The following RAB20 variants were observed in gnomAD, a reference collection of about 807,000 sequenced individuals.
RAB20 encodes the protein RAB20, member RAS oncogene family.
RAB20 carries 2 observed loss-of-function variants against 3.7 expected under a neutral mutation model. That is an observed-to-expected ratio of 0.54 (90% CI 0.22 to 1.69). The LOEUF (loss-of-function observed/expected upper bound fraction) is 1.69, where lower values mean the gene tolerates loss of function less well. Among genes scored for constraint, RAB20 ranks in the 40% most tolerant of loss-of-function variants. The pLI is 0.19. For synonymous variants in RAB20, 126 were observed against 130.8 expected, an observed-to-expected ratio of 0.96 and a Z score of 0.25; for missense variants, 276 against 311.9, an observed-to-expected ratio of 0.88 and a Z score of 0.87.
intron 1 of RAB20, among the ~76,000 whole-genome samples, chr13:110,547,080 C>T (rs142877263): frequency 0.011 from 1,615 of 152,304 alleles, 14 homozygotes; most frequent in Admixed American, 0.028. Flanking sequence ...AAGTGTTCCT[C>T]CTTCTCAAGG....
At chr13:110,542,989 C>G (rs1471734115) in intron 1 of RAB20, among the ~76,000 whole-genome samples, 2 of 152,248 alleles carry the variant, frequency 1.3e-5, no homozygotes, top group Non-Finnish European at 2.9e-5. Context: ...GCCATTCTAA[C>G]AGGTGCGACC....
intron 1 of RAB20, among the ~76,000 whole-genome samples, chr13:110,542,522 C>A (rs1233516797): frequency 6.6e-6 from 1 of 152,192 alleles, no homozygotes; most frequent in Non-Finnish European, 1.5e-5. Context: ...AACCACCATT[C>A]CACTCTGCTT....
chr13:110,552,523 C>T (rs1335748947), intron 1 of RAB20, among the ~76,000 whole-genome samples: 1 of 151,684 alleles, frequency 6.6e-6, no homozygotes, highest in Non-Finnish European at 1.5e-5. Flanking sequence ...GAAACCCCGT[C>T]TCTACTAAAA....
At chr13:110,561,224 G>T in intron 1 of RAB20, 124 bp downstream of exon 1, 3 of 1,248,948 alleles carry the variant, frequency 2.4e-6, no homozygotes, top group Non-Finnish European at 3.2e-6. Context: ...GAAACCCCGA[G>T]AAGGAGGCAT....
intron 1 of RAB20, among the ~76,000 whole-genome samples, chr13:110,548,258 C>T (rs1209045642): frequency 6.6e-6 from 1 of 152,096 alleles, no homozygotes; most frequent in African/African-American, 2.4e-5. Context: ...CCCAGGTGGG[C>T]AGATCACTTG....
intron 1 of RAB20, among the ~76,000 whole-genome samples, chr13:110,539,722 G>A (rs1020842971): frequency 6.6e-6 from 1 of 151,970 alleles, no homozygotes; most frequent in Non-Finnish European, 1.5e-5. Context: ...ACCACGCCTG[G>A]CTAATTTTTG....
chr13:110,529,273 G>C (rs182270364), intron 1 of RAB20, among the ~76,000 whole-genome samples: 1 of 152,200 alleles, frequency 6.6e-6, no homozygotes, highest in Non-Finnish European at 1.5e-5. Context: ...GCTCTGAGCC[G>C]GGCCGTCAGC....
chr13:110,551,247 G>C (rs1387248588), intron 1 of RAB20, among the ~76,000 whole-genome samples: 1 of 152,182 alleles, frequency 6.6e-6, no homozygotes, highest in Admixed American at 6.5e-5. Flanking sequence ...TGGGGTGCAA[G>C]GTCACTTTGT....
chr13:110,531,752 T>C (rs550466759), intron 1 of RAB20, among the ~76,000 whole-genome samples: 4 of 152,292 alleles, frequency 2.6e-5, no homozygotes, highest in African/African-American at 7.2e-5. Context: ...CACCACCTCC[T>C]GGGGCCGACT....
rs909440413 is a variant in RAB20 at position 110,555,572 on chromosome 13, G to C, written c.172+5776C>G. Among the ~76,000 whole-genome samples, 7 of 152,226 alleles carry C rather than the reference G, an allele frequency of 4.6e-5. No homozygotes were observed. Among genetic ancestry groups the C allele is most frequent in the African/African-American group, 1.7e-4 (7 of 41,452 alleles). On this transcript the variant is annotated intron_variant, in intron 1 of 1. Coordinates refer to ENST00000267328, the MANE Select transcript of RAB20 (RefSeq NM_017817.3). The surrounding 1 kb of genome is among the most constrained non-coding windows in gnomAD (Gnocchi z 4.0). ...GAACATTGGGGTCTGCAAGGCTCAT[G>C]CCAAAGCTCAGACTTCTAGTTGAGA...
intron 1 of RAB20, 65 bp downstream of exon 1, chr13:110,561,283 A>C (rs1885124744): frequency 6.8e-7 from 1 of 1,469,586 alleles, no homozygotes. Context: ...CCCTGCTGGA[A>C]GCCCCGCGCC....
At chr13:110,536,990 T>A (rs1884657519) in intron 1 of RAB20, among the ~76,000 whole-genome samples, 1 of 137,528 alleles carries the variant, frequency 7.3e-6, no homozygotes, top group Non-Finnish European at 1.5e-5. Flanking sequence ...CCAAGTGTTT[T>A]TTTTTGTGTG....
chr13:110,555,750 T>C lies in RAB20; in HGVS notation c.172+5598A>G, dbSNP rs975757495. 1.3e-5 allele frequency among the ~76,000 whole-genome samples: 2 copies of C among 152,186 alleles called. No individual in the cohort carries two copies. Among genetic ancestry groups the C allele is most frequent in the African/African-American group, 2.4e-5 (1 of 41,456 alleles). ...AAGGAAGAAATTCAATATGGCCAGGTCTCCCAGGTTGCTGAGCCCTTGGGT... is the reference window on the plus strand; with the variant it reads ...AAGGAAGAAATTCAATATGGCCAGGCCTCCCAGGTTGCTGAGCCCTTGGGT... On this transcript the variant is annotated intron_variant, in intron 1 of 1. Coordinates refer to ENST00000267328, the MANE Select transcript of RAB20 (RefSeq NM_017817.3). The surrounding 1 kb of genome is among the most constrained non-coding windows in gnomAD (Gnocchi z 4.0).
chr13:110,551,717 A>C (rs1884954794), intron 1 of RAB20, among the ~76,000 whole-genome samples: 2 of 152,050 alleles, frequency 1.3e-5, no homozygotes, highest in African/African-American at 4.8e-5. Context: ...GTTTGTACAA[A>C]ATTTATTTTT....
chr13:110,561,642 C>CCGAG lies in RAB20; in HGVS notation c.-124_-123insCTCG. ...CGGGACCCGGATTCTCGTGAACGCTCCGGGACCTTCGCCTCCGGACGCCCG... is the reference window on the plus strand; with the variant it reads ...CGGGACCCGGATTCTCGTGAACGCTCCGAGCGGGACCTTCGCCTCCGGACGCCCG... On this transcript the variant is annotated 5_prime_UTR_variant, in exon 1 of 2. Transcript: ENST00000267328. The CCGAG allele has an allele frequency of 7.0e-7, 1 of 1,421,276 alleles. No individual in the cohort carries two copies. The highest frequency in any genetic ancestry group is 3.1e-5 in the Admixed American group (1 of 32,776). 88.0% of individuals were successfully genotyped at this position (1,421,276 alleles called of 1,614,324 possible).
chr13:110,527,611 C>T (rs1428794143), intron 1 of RAB20, among the ~76,000 whole-genome samples: 1 of 152,132 alleles, frequency 6.6e-6, no homozygotes, highest in Non-Finnish European at 1.5e-5. Context: ...GAATTCAGCA[C>T]CTGAAGGGCA....
At chr13:110,532,540 C>T (rs1258761975) in intron 1 of RAB20, among the ~76,000 whole-genome samples, 1 of 152,146 alleles carries the variant, frequency 6.6e-6, no homozygotes, top group Non-Finnish European at 1.5e-5. Flanking sequence ...CCAAGCCCAG[C>T]TAATTTTTGT....
At chr13:110,560,278 G>A (rs1413730274) in intron 1 of RAB20, among the ~76,000 whole-genome samples, 1 of 152,142 alleles carries the variant, frequency 6.6e-6, no homozygotes, top group Non-Finnish European at 1.5e-5. Flanking sequence ...AATTAGTCAC[G>A]ATGTTAACTG....
chr13:110,529,095 T>C (rs1884482259), intron 1 of RAB20, among the ~76,000 whole-genome samples: 1 of 152,256 alleles, frequency 6.6e-6, no homozygotes. Context: ...AATTTAATCC[T>C]AATTGAATTT....
Sources: allele counts gnomAD v4.1 joint callset (sites outside exome capture counted in the v4.1 genomes callset), GRCh38; gene constraint gnomAD v4.1.1; non-coding constraint Gnocchi (gnomAD v3.1); transcripts MANE v1.5; gene names NCBI Gene and HGNC (gene_info 2026-07-23, HGNC 2026-07-21).